FLNB: variants seen among roughly 807,000 people sequenced by gnomAD.
FLNB encodes filamin-B.
Under a neutral mutation model 250.6 loss-of-function variants are expected in FLNB, and 111 were observed. That is an observed-to-expected ratio of 0.44 (90% confidence interval 0.38 to 0.52). The LOEUF is 0.52. Among genes scored for constraint, FLNB ranks in the 20% least tolerant of loss-of-function variants. The pLI, the probability that FLNB is intolerant of heterozygous loss-of-function variation, is 0.00. For synonymous variants in FLNB, 1,302 were observed against 1,372.1 expected (o/e 0.95, Z 1.13); for missense variants, 2,869 against 3,447.8 (o/e 0.83, Z 4.20).
At chr3:58,061,071 C>T (rs2097177826) in intron 1 of FLNB, among the ~76,000 whole-genome samples, 1 of 152,096 alleles carries the variant, frequency 6.6e-6, no homozygotes, top group South Asian at 2.1e-4. Flanking sequence ...TATTCCTTTG[C>T]TGATAGGTAA....
At chr3:58,132,049 T>G in intron 25 of FLNB, 1 of 1,414,582 alleles carries the variant, frequency 7.1e-7, no homozygotes, top group Non-Finnish European at 9.7e-7. Flanking sequence ...TGCTGAATTA[T>G]GTAACCCAAA....
At chr3:58,034,813 C>T (rs935175858) in intron 1 of FLNB, among the ~76,000 whole-genome samples, 10 of 152,258 alleles carry the variant, frequency 6.6e-5, no homozygotes, top group East Asian at 1.9e-4. Flanking sequence ...TCTCCACAGA[C>T]GGGTGGGTGT....
intron 1 of FLNB, among the ~76,000 whole-genome samples, chr3:58,030,249 G>A (rs2097129082): frequency 6.6e-6 from 1 of 152,196 alleles, no homozygotes; most frequent in Non-Finnish European, 1.5e-5. Context: ...AAGTAGGGCA[G>A]TTAGAATCCT....
At chr3:58,129,246 G>C (rs2097302518) in intron 24 of FLNB, among the ~76,000 whole-genome samples, 1 of 152,206 alleles carries the variant, frequency 6.6e-6, no homozygotes, top group Admixed American at 6.5e-5. Context: ...CCACTGGATT[G>C]ACTGGGGTTC....
At chr3:58,119,030 C>G in intron 19 of FLNB, 41 bp downstream of exon 19, 1 of 1,384,204 alleles carries the variant, frequency 7.2e-7, no homozygotes, top group South Asian at 1.2e-5. Flanking sequence ...GTTGATGACC[C>G]CCCAACGTGG....
intron 1 of FLNB, among the ~76,000 whole-genome samples, chr3:58,011,071 C>T (rs188761971): frequency 9.2e-5 from 14 of 152,268 alleles, no homozygotes; most frequent in Admixed American, 3.9e-4. Flanking sequence ...CATGCCACCA[C>T]GCCCGGCTAA....
intron 3 of FLNB, among the ~76,000 whole-genome samples, chr3:58,079,999 A>G (rs1010164842): frequency 4.6e-5 from 7 of 152,158 alleles, no homozygotes; most frequent in Non-Finnish European, 1.0e-4. Flanking sequence ...GTCCACCCTC[A>G]GGAAGTGGTG....
intron 1 of FLNB, among the ~76,000 whole-genome samples, chr3:58,037,771 T>C (rs1265348060): frequency 6.6e-6 from 1 of 152,150 alleles, no homozygotes; most frequent in African/African-American, 2.4e-5. Context: ...ATTTTGTGAA[T>C]GTTTTTTTTC....
chr3:58,166,056 G>C (rs567245183), intron 43 of FLNB: 4 of 152,148 alleles, frequency 2.6e-5, no homozygotes, highest in African/African-American at 9.6e-5. Flanking sequence ...AGTTCTGCTG[G>C]TCCCCAGCTG....
In FLNB at chr3:58,153,630, CG is replaced by C; in HGVS notation, c.6626del (p.Gly2209GlufsTer85). On this transcript the variant is annotated frameshift_variant, in exon 39 of 46. Transcript: ENST00000295956. LOFTEE classifies it high-confidence loss of function. ...GGCCCTGGCCTGGAGAGAGGAGAAG[CG>C]GGAGTCCCAGGTGAGCATTGCGGGC... ...AGGPGLERGEAGVPAEFSIWT... is the reference protein window; with the variant it reads ...AGGPGLERGEXGVPAEFSIWT... 1 of 1,614,024 alleles carries C rather than the reference CG, an allele frequency of 6.2e-7. No individual in the cohort carries two copies. Among genetic ancestry groups the C allele is most frequent in the South Asian group, 1.1e-5 (1 of 91,082 alleles).
intron 19 of FLNB, among the ~76,000 whole-genome samples, chr3:58,120,234 T>C (rs1440273898): frequency 6.6e-6 from 1 of 152,216 alleles, no homozygotes; most frequent in Non-Finnish European, 1.5e-5. Context: ...AGCAGCCAGC[T>C]CTGAGTGTGT....
intron 24 of FLNB, among the ~76,000 whole-genome samples, chr3:58,127,254 G>T (rs1485476970): frequency 1.3e-5 from 2 of 151,846 alleles, no homozygotes; most frequent in African/African-American, 4.8e-5. Flanking sequence ...TGAGATGGGA[G>T]CCTGGGAGGT....
chr3:58,064,951 G>A (rs917137168), intron 1 of FLNB, among the ~76,000 whole-genome samples: 1 of 152,148 alleles, frequency 6.6e-6, no homozygotes, highest in African/African-American at 2.4e-5. Context: ...GAGGTAGGAG[G>A]ATTGCTTGAG....
At chr3:58,153,260 C>A in intron 38 of FLNB, 115 bp from the exon 39 acceptor site, 1 of 1,226,146 alleles carries the variant, frequency 8.2e-7, no homozygotes, top group Non-Finnish European at 1.2e-6. Flanking sequence ...CTGGGCACCT[C>A]ACGTCCACCG....
At chr3:58,078,654 A>C in intron 2 of FLNB, 63 bp from the exon 3 acceptor site, 2 of 1,539,552 alleles carry the variant, frequency 1.3e-6, no homozygotes, top group Non-Finnish European at 1.8e-6. Context: ...GTTTAGGCAC[A>C]TGGTTTCCTT....
intron 1 of FLNB, among the ~76,000 whole-genome samples, chr3:58,042,964 C>T (rs531044199): frequency 1.2e-4 from 18 of 152,156 alleles, no homozygotes; most frequent in African/African-American, 3.9e-4. Flanking sequence ...TGGGCCATGT[C>T]GTGCTGTTGA....
intron 1 of FLNB, among the ~76,000 whole-genome samples, chr3:58,029,544 G>C (rs563879270): frequency 1.3e-5 from 2 of 149,076 alleles, no homozygotes; most frequent in African/African-American, 5.0e-5. Flanking sequence ...TTGCTCTGTC[G>C]CCCAGGCTGG....
chr3:58,116,126 G>A (rs938947699), intron 18 of FLNB, among the ~76,000 whole-genome samples: 3 of 152,070 alleles, frequency 2.0e-5, no homozygotes, highest in Non-Finnish European at 4.4e-5. Flanking sequence ...TCTGGTAGAG[G>A]AGTGATGCCA....
At position 58,126,759 on chromosome 3, in the gene FLNB, C is replaced by A; in HGVS notation, c.4219C>A (p.Pro1407Thr). The change falls in exon 24 of 46, where the codon CCC becomes ACC. Residue 1407 changes from proline (P) to threonine (T), a missense_variant. This residue lies in a region of FLNB where 1,348 missense variants were observed against 1,466.7 expected (regional missense o/e 0.92). Coordinates refer to ENST00000295956, the MANE Select transcript of FLNB (RefSeq NM_001457.4). Reference protein sequence around the residue: ...VNITYGGAHIPGSPFRVPVKD... With the variant: ...VNITYGGAHITGSPFRVPVKD... ...TATCACATATGGAGGAGCCCACATC[C>A]CCGGTGAGCTATTCCTCAGAGAGGA... is the stretch of plus-strand genomic sequence containing the variant. 1 of 1,613,424 alleles carries A rather than the reference C, an allele frequency of 6.2e-7. No individual in the cohort carries two copies. The highest frequency in any genetic ancestry group is 8.5e-7 in the Non-Finnish European group (1 of 1,179,514).
Sources: allele counts gnomAD v4.1 joint callset (sites outside exome capture counted in the v4.1 genomes callset), GRCh38; gene constraint gnomAD v4.1.1; regional missense constraint gnomAD v4.1.1; transcripts MANE v1.5; gene names NCBI Gene and HGNC (gene_info 2026-07-23, HGNC 2026-07-21).